The following LMBR1L variants were observed in gnomAD, a reference collection of about 807,000 sequenced individuals.
The protein encoded by LMBR1L is limb development membrane protein 1 like.
In LMBR1L, 47 loss-of-function variants were observed where a neutral mutation model predicts 67.3. The observed-to-expected ratio is 0.70, with a 90% CI of 0.55 to 0.89. LMBR1L has a LOEUF of 0.89. Ranked by LOEUF, LMBR1L falls within the 40% of genes least tolerant of loss-of-function variation. The pLI is 0.00. For missense variants in LMBR1L, 533 were observed against 599.2 expected, an observed-to-expected ratio of 0.89 and a Z score of 1.15; for synonymous variants, 247 against 250.3, an observed-to-expected ratio of 0.99 and a Z score of 0.13.
In LMBR1L at chr12:49,104,751, A is replaced by T; in HGVS notation, c.326T>A (p.Ile109Asn). 6.2e-7 allele frequency: 1 copy of T among 1,613,352 alleles called. No individual in the cohort carries two copies. The highest frequency in any genetic ancestry group is 8.5e-7 in the Non-Finnish European group (1 of 1,179,666). ...YYIQWLNGSLIHGLWNLVFLF... is the reference protein window; with the variant it reads ...YYIQWLNGSLNHGLWNLVFLF... ...AGCTTCCAGGAGCCACACACCATGG[A>T]TGAGGGAGCCGTTGAGCCACTGGAT... Residue 109 changes from isoleucine (I) to asparagine (N), a missense_variant, in exon 4 of 17, where the codon ATC (isoleucine) becomes AAC (asparagine). Coordinates refer to ENST00000267102, the MANE Select transcript of LMBR1L (RefSeq NM_018113.4).
intron 6 of LMBR1L, 71 bp from the exon 7 acceptor site, chr12:49,103,230 G>T: frequency 7.4e-7 from 1 of 1,344,538 alleles, no homozygotes; most frequent in Non-Finnish European, 1.1e-6. Flanking sequence ...ACAGGCCTCA[G>T]AGTCTAGACA....
At chr12:49,103,027 C>T in intron 7 of LMBR1L, 64 bp downstream of exon 7, 2 of 1,608,234 alleles carry the variant, frequency 1.2e-6, no homozygotes, top group Non-Finnish European at 1.7e-6. Flanking sequence ...ATTCCCTTTC[C>T]TTCTAGCCTG....
intron 1 of LMBR1L, among the ~76,000 whole-genome samples, chr12:49,108,470 G>A (rs777409751): frequency 2.1e-4 from 31 of 150,376 alleles, no homozygotes; most frequent in Non-Finnish European, 3.5e-4. Flanking sequence ...GCTGAGGCAG[G>A]AGAATTGCTT....
rs1941444176 is a variant in LMBR1L at position 49,110,625 on chromosome 12, G to T, written c.-70C>A. 1.4e-6 allele frequency: 2 copies of T among 1,412,156 alleles called. No individual in the cohort carries two copies. Among genetic ancestry groups the T allele is most frequent in the Non-Finnish European group, 2.0e-6 (2 of 998,450 alleles). 87.5% of individuals were successfully genotyped at this position (1,412,156 alleles called of 1,614,324 possible). ...GAGGACGAGCGGGGAGGAAGCCGCC[G>T]CCGCCAAGCACCCAGACCCAGCCTA... On this transcript the variant is annotated 5_prime_UTR_variant, in exon 1 of 17. Coordinates refer to ENST00000267102, the MANE Select transcript of LMBR1L (RefSeq NM_018113.4).
At chr12:49,102,990 C>T in intron 7 of LMBR1L, 39 bp from the exon 8 acceptor site, 1 of 1,610,158 alleles carries the variant, frequency 6.2e-7, no homozygotes, top group South Asian at 1.1e-5. Flanking sequence ...AGACCCTGCT[C>T]TCCACCCCTT....
In LMBR1L at chr12:49,101,505, G is replaced by A. The variant is rs1220880682; in HGVS notation, c.975C>T (p.Leu325=). Reference sequence around the variant, plus strand: ...CTCGGGGCATGGCAGCCTCATCGATGAGCAGCTCCAGGATGTGGATGGCCA... The same window carrying A: ...CTCGGGGCATGGCAGCCTCATCGATAAGCAGCTCCAGGATGTGGATGGCCA... ...LIVAIHILEL[L]IDEAAMPRGM... The change falls in exon 12 of 17, where the codon CTC becomes CTT. Residue 325 remains leucine, a synonymous_variant. Transcript: ENST00000267102. The A allele has an allele frequency of 2.5e-6, 4 of 1,614,022 alleles. No homozygotes were observed. The highest frequency in any genetic ancestry group is 1.7e-4 in the Middle Eastern group (1 of 6,060).
intron 1 of LMBR1L, among the ~76,000 whole-genome samples, chr12:49,107,323 G>T (rs774430920): frequency 2.0e-5 from 3 of 152,236 alleles, no homozygotes; most frequent in Non-Finnish European, 4.4e-5. Flanking sequence ...GGAGAAAATA[G>T]CTTCAGCCCA....
chr12:49,104,590 G>T, intron 4 of LMBR1L, 39 bp from the exon 5 acceptor site: 1 of 1,579,566 alleles, frequency 6.3e-7, no homozygotes, highest in Non-Finnish European at 8.7e-7. Flanking sequence ...GTCAGTAAGG[G>T]GAGGGGCAAC....
rs1940997997 is a variant in LMBR1L at position 49,107,048 on chromosome 12, G to A, written c.73-3C>T. Reference sequence around the variant, plus strand: ...GTTGCAAACAGAAGTGTTGATATCTGTAGCAGAATATGAGCTGGGATGAGA... The same window carrying A: ...GTTGCAAACAGAAGTGTTGATATCTATAGCAGAATATGAGCTGGGATGAGA... On this transcript the variant is annotated splice_region_variant and splice_polypyrimidine_tract_variant and intron_variant, in intron 1 of 16. Transcript: ENST00000267102. 1.2e-6 allele frequency: 2 copies of A among 1,606,592 alleles called. No homozygotes were observed. The highest frequency in any genetic ancestry group is 1.1e-5 in the South Asian group (1 of 90,952).
rs1592236956 is a variant in LMBR1L, at chr12:49,110,782, T to G, written c.-227A>C. 5.4e-6 allele frequency: 3 copies of G among 555,832 alleles called. No individual in the cohort carries two copies. Among genetic ancestry groups the G allele is most frequent in the East Asian group, 6.0e-5 (2 of 33,404 alleles). 34.4% of individuals were successfully genotyped at this position (555,832 alleles called of 1,614,324 possible). A position where few individuals can be genotyped will look rare whatever the true frequency, so the allele number is the denominator to read the frequency against. ...TTAAAGGGCTCTGTCCTCCCTTTGC[T>G]CCCCACTCTTTAAGGTCGGGTCGCG... On this transcript the variant is annotated 5_prime_UTR_variant, in exon 1 of 17. Transcript: ENST00000267102.
intron 7 of LMBR1L, 54 bp downstream of exon 7, chr12:49,103,037 G>A (rs1174989608): frequency 1.2e-6 from 2 of 1,606,728 alleles, no homozygotes; most frequent in Non-Finnish European, 1.7e-6. Context: ...CTTCTAGCCT[G>A]GTTACTCTGG....
intron 15 of LMBR1L, 131 bp from the exon 16 acceptor site, chr12:49,098,236 CA>C (rs1939659750): frequency 4.3e-6 from 4 of 938,458 alleles, no homozygotes; most frequent in Non-Finnish European, 6.5e-6. Context: ...CCAATTCTAC[CA>C]CCCAAGCTGT....
Position 49,102,341 on chromosome 12 carries a change from G to A in LMBR1L, c.805C>T (p.Leu269=). Residue 269 remains leucine, a synonymous_variant, in exon 10 of 17, where the codon CTG becomes TTG. Coordinates refer to ENST00000267102, the MANE Select transcript of LMBR1L (RefSeq NM_018113.4). ...TSCWLPLDME[L]LHRQVLALQT... ...AGAGCCAGGACCTGTCTGTGTAGCAGCTCCATGTCTAAAGGCAGCCAGCAG... is the reference window on the plus strand; with the variant it reads ...AGAGCCAGGACCTGTCTGTGTAGCAACTCCATGTCTAAAGGCAGCCAGCAG... 8.1e-6 allele frequency: 13 copies of A among 1,614,240 alleles called. No homozygotes were observed. The highest frequency in any genetic ancestry group is 1.0e-5 in the Non-Finnish European group (12 of 1,180,046).
At position 49,097,977 on chromosome 12, in the gene LMBR1L, C is replaced by T. The variant is rs144512185; in HGVS notation, c.1369G>A (p.Ala457Thr). Residue 457 changes from alanine (A) to threonine (T), a missense_variant, in exon 16 of 17, where the codon GCA becomes ACA. Around this residue, in one of 3 missense-constraint regions of LMBR1L, gnomAD observed 223 missense variants for 241.2 expected, o/e 0.92. Transcript: ENST00000267102. The stretch of plus-strand genomic sequence containing the variant: ...CGGATCAGCTCTGCCCGCACAGCTG[C>T]AGTGAAGGTCTTCACCAGACAGAGT... The part of the protein sequence containing the change: ...TTLCLVKTFT[A>T]AVRAELIRAF... 103 of 1,613,960 alleles carry T rather than the reference C, an allele frequency of 6.4e-5. No homozygotes were observed. The Middle Eastern group carries it at 8.3e-4, about 13-fold the overall frequency.
In LMBR1L at chr12:49,104,745, C is replaced by A. The variant is rs140642382; in HGVS notation, c.331+1G>T. On this transcript the variant is annotated splice_donor_variant, in intron 4 of 16. Coordinates refer to ENST00000267102, the MANE Select transcript of LMBR1L (RefSeq NM_018113.4). LOFTEE classifies it high-confidence loss of function. ...CCAAGCAGCTTCCAGGAGCCACACA[C>A]CATGGATGAGGGAGCCGTTGAGCCA... is the stretch of plus-strand genomic sequence containing the variant. The A allele has an allele frequency of 3.1e-6, 5 of 1,613,350 alleles. No individual in the cohort carries two copies. The African/African-American group carries it at 5.3e-5, about 17-fold the overall frequency.
chr12:49,104,762 G>A lies in LMBR1L; in HGVS notation c.315C>T (p.Asn105=), dbSNP rs375525732. ...GCCACACACCATGGATGAGGGAGCC[G>A]TTGAGCCACTGGATGTAGTAGTTCC... is the stretch of plus-strand genomic sequence containing the variant. The part of the protein sequence containing the change: ...LPRNYYIQWL[N]GSLIHGLWNL... The change falls in exon 4 of 17, where the codon AAC becomes AAT. Residue 105 remains asparagine (N), a synonymous_variant. Transcript: ENST00000267102. The A allele has an allele frequency of 7.4e-6, 12 of 1,613,436 alleles. No homozygotes were observed. The highest frequency in any genetic ancestry group is 1.3e-5 in the African/African-American group (1 of 74,992).
intron 2 of LMBR1L, 106 bp downstream of exon 2, chr12:49,106,855 C>A: frequency 1.0e-6 from 1 of 995,982 alleles, no homozygotes; most frequent in African/African-American, 1.6e-5. Context: ...TCCAGAACAG[C>A]CCCACACAGC....
At position 49,102,285 on chromosome 12, in the gene LMBR1L, C is replaced by A; in HGVS notation, c.853+8G>T. On this transcript the variant is annotated splice_region_variant and intron_variant, in intron 10 of 16. Transcript: ENST00000267102. ...CCCAGGTATCCCAAGCCCTACGAAG[C>A]CACATACCCAGCAGGACCCTCTGTG... The A allele has an allele frequency of 6.2e-7, 1 of 1,614,126 alleles. No homozygotes were observed. The highest frequency in any genetic ancestry group is 8.5e-7 in the Non-Finnish European group (1 of 1,179,948).
At chr12:49,102,692 C>T in intron 8 of LMBR1L, 152 bp from the exon 9 acceptor site, 1 of 918,686 alleles carries the variant, frequency 1.1e-6, no homozygotes, top group Non-Finnish European at 1.7e-6. Flanking sequence ...CTCAGTCCCT[C>T]CCAATTGCCC....
Sources: allele counts gnomAD v4.1 joint callset (sites outside exome capture counted in the v4.1 genomes callset), GRCh38; gene constraint gnomAD v4.1.1; regional missense constraint gnomAD v4.1.1; transcripts MANE v1.5; gene names NCBI Gene and HGNC (gene_info 2026-07-23, HGNC 2026-07-21).